The following DMRT1 variants were observed in gnomAD, a reference collection of about 807,000 sequenced individuals.
DMRT1 encodes the protein doublesex- and mab-3-related transcription factor 1.
A neutral mutation model predicts 32.3 loss-of-function variants in DMRT1; 7 were observed. The observed-to-expected ratio is 0.22, with a 90% CI of 0.12 to 0.41. DMRT1 has a LOEUF of 0.41. DMRT1 is among the 10% of genes least tolerant of loss of function. DMRT1 has a pLI of 1.00. For synonymous variants in DMRT1, 278 were observed against 206.1 expected (o/e 1.35, Z -2.99); for missense variants, 625 against 500.5 (o/e 1.25, Z -2.37).
intron 2 of DMRT1, among the ~76,000 whole-genome samples, chr9:866,715 G>A (rs1039875796): frequency 3.2e-4 from 48 of 152,200 alleles, no homozygotes; most frequent in African/African-American, 1.1e-3. Context: ...TCTTTAGTGA[G>A]TTTGAGATGT....
intron 4 of DMRT1, among the ~76,000 whole-genome samples, chr9:933,508 A>G (rs1459598161): frequency 6.6e-6 from 1 of 152,210 alleles, no homozygotes; most frequent in Non-Finnish European, 1.5e-5. Context: ...GGAATGGAGC[A>G]GGGTGACCTT....
intron 2 of DMRT1, among the ~76,000 whole-genome samples, chr9:891,607 C>T (rs1158187852): frequency 1.3e-5 from 2 of 151,674 alleles, no homozygotes; most frequent in African/African-American, 4.8e-5. Context: ...CTCTGTCTCC[C>T]AGGTTCAAGC....
chr9:895,896 C>A (rs1291900312), intron 3 of DMRT1, among the ~76,000 whole-genome samples: 1 of 151,610 alleles, frequency 6.6e-6, no homozygotes, highest in African/African-American at 2.4e-5. Context: ...CCTCTGCCTC[C>A]CGGGTTCAAG....
At chr9:916,949 G>A in intron 4 of DMRT1, 42 bp downstream of exon 4, 1 of 1,612,000 alleles carries the variant, frequency 6.2e-7, no homozygotes, top group African/African-American at 1.3e-5. Context: ...GGTTGAGAGA[G>A]GATGGCTATC....
chr9:915,820 C>T (rs1368122590), intron 3 of DMRT1, among the ~76,000 whole-genome samples: 1 of 151,808 alleles, frequency 6.6e-6, no homozygotes, highest in Non-Finnish European at 1.5e-5. Context: ...ACAAGCTCTG[C>T]CTCCCGGGTT....
intron 4 of DMRT1, among the ~76,000 whole-genome samples, chr9:926,003 T>C (rs1818512175): frequency 6.6e-6 from 1 of 152,172 alleles, no homozygotes; most frequent in African/African-American, 2.4e-5. Context: ...TTGCAGGGAC[T>C]AAAGGCATGG....
intron 4 of DMRT1, among the ~76,000 whole-genome samples, chr9:952,943 G>C (rs1166613478): frequency 2.0e-5 from 3 of 152,132 alleles, no homozygotes; most frequent in African/African-American, 7.2e-5. Flanking sequence ...AAAGCCGAAA[G>C]GGTTTTTTTC....
At chr9:941,544 A>G (rs751146318) in intron 4 of DMRT1, among the ~76,000 whole-genome samples, 1 of 152,106 alleles carries the variant, frequency 6.6e-6, no homozygotes, top group East Asian at 1.9e-4. Context: ...GGAGGACAGA[A>G]TGGAGAGTTA....
intron 3 of DMRT1, among the ~76,000 whole-genome samples, chr9:904,335 C>T (rs1020216735): frequency 6.6e-6 from 1 of 152,116 alleles, no homozygotes; most frequent in Non-Finnish European, 1.5e-5. Flanking sequence ...CGTTTAATTA[C>T]ATGTATAAGT....
At chr9:846,730 G>C (rs750031755) in intron 1 of DMRT1, among the ~76,000 whole-genome samples, 2 of 152,148 alleles carry the variant, frequency 1.3e-5, no homozygotes, top group Non-Finnish European at 2.9e-5. Flanking sequence ...CCAGGTATCT[G>C]CGACCATGTC....
chr9:968,011 T>C lies in DMRT1; in HGVS notation c.994T>C (p.Ser332Pro), dbSNP rs370356267. The change falls in exon 5 of 5, where the codon TCT becomes CCT. Residue 332 changes from serine to proline, a missense_variant. Around this residue, in one of 3 missense-constraint regions of DMRT1, gnomAD observed 416 missense variants for 321.6 expected, o/e 1.29. Coordinates refer to ENST00000382276, the MANE Select transcript of DMRT1 (RefSeq NM_021951.3). ...ATTCTCGCCGCCCAGCAGTCAAGAT[T>C]CTGGCTTGGTTTCCCTCTCGAGCAG... is the stretch of plus-strand genomic sequence containing the variant. ...SVFSPPSSQD[S>P]GLVSLSSSSP... The C allele has an allele frequency of 6.2e-6, 10 of 1,613,958 alleles. No homozygotes were observed. The highest frequency in any genetic ancestry group is 7.6e-6 in the Non-Finnish European group (9 of 1,180,030).
At position 925,133 on chromosome 9, in the gene DMRT1, G is replaced by C. The variant is rs144145153; in HGVS notation, c.967+8226G>C. ...ATGTTAGCAAGAATTACCAGGGTGTGTGCCCACACGGAGGGTCAGCTTCGT... is the reference window on the plus strand; with the variant it reads ...ATGTTAGCAAGAATTACCAGGGTGTCTGCCCACACGGAGGGTCAGCTTCGT... On this transcript the variant is annotated intron_variant, in intron 4 of 4. Coordinates refer to ENST00000382276, the MANE Select transcript of DMRT1 (RefSeq NM_021951.3). Among the ~76,000 whole-genome samples the C allele has an allele frequency of 2.7e-3, 411 of 152,312 alleles. 2 individuals carry two copies. Among genetic ancestry groups the C allele is most frequent in the African/African-American group, 9.4e-3 (390 of 41,572 alleles).
chr9:852,000 C>T (rs1412537954), intron 2 of DMRT1, among the ~76,000 whole-genome samples: 1 of 149,582 alleles, frequency 6.7e-6, no homozygotes, highest in Non-Finnish European at 1.5e-5. Flanking sequence ...AGTGCTGTGG[C>T]GCGATCCCAG....
intron 2 of DMRT1, among the ~76,000 whole-genome samples, chr9:871,505 T>A (rs1360253749): frequency 1.4e-5 from 2 of 141,796 alleles, no homozygotes; most frequent in Non-Finnish European, 3.0e-5. Context: ...GCTAATTTTT[T>A]TTTTTTTTTT....
intron 3 of DMRT1, among the ~76,000 whole-genome samples, chr9:898,254 G>A (rs569241987): frequency 2.0e-5 from 3 of 151,876 alleles, no homozygotes; most frequent in Non-Finnish European, 4.4e-5. Context: ...CAAGTAGCTG[G>A]GATTACAGGC....
chr9:879,614 T>G (rs1482559140), intron 2 of DMRT1, among the ~76,000 whole-genome samples: 1 of 152,208 alleles, frequency 6.6e-6, no homozygotes, highest in African/African-American at 2.4e-5. Flanking sequence ...GACCAAAACT[T>G]GACAAGTGGT....
Position 943,002 on chromosome 9 carries a change from A to G in DMRT1, c.968-24983A>G, listed in dbSNP as rs28709376. The stretch of plus-strand genomic sequence containing the variant: ...TGCACACCCCTCCCCCCAACCCTAT[A>G]TGATGCTGCTTAGTGAAGTATACAG... On this transcript the variant is annotated intron_variant, in intron 4 of 4. Transcript: ENST00000382276. 4.6e-3 allele frequency among the ~76,000 whole-genome samples: 697 copies of G among 151,750 alleles called. 4 individuals are homozygous for G. Among genetic ancestry groups the G allele is most frequent in the African/African-American group, 0.016 (669 of 41,348 alleles).
intron 4 of DMRT1, among the ~76,000 whole-genome samples, chr9:924,088 T>TTTCC (rs71327361): frequency 0.035 from 5,044 of 144,268 alleles, 172 homozygotes; most frequent in Middle Eastern, 0.075. Context: ...TTTTTTTTTT[T>TTTCC]CCACCTGGAG....
At chr9:902,139 A>C (rs1817607977) in intron 3 of DMRT1, among the ~76,000 whole-genome samples, 1 of 151,358 alleles carries the variant, frequency 6.6e-6, no homozygotes, top group South Asian at 2.1e-4. Flanking sequence ...CAAACTCCTG[A>C]CCTCAGGTGA....
Sources: gnomAD v4.1 joint callset for allele counts (sites outside exome capture counted in the v4.1 genomes callset) on GRCh38, gnomAD v4.1.1 for gene constraint, gnomAD v4.1.1 regional missense constraint, MANE v1.5 for transcripts, NCBI Gene and HGNC (gene_info 2026-07-23, HGNC 2026-07-21) for gene names.